THSD7B: variants seen among roughly 807,000 people sequenced by gnomAD.
THSD7B encodes the protein thrombospondin type 1 domain containing 7B, also known as thrombospondin type-1 domain-containing protein 7B.
A neutral mutation model predicts 213.6 loss-of-function variants in THSD7B; 138 were observed. That is an observed-to-expected ratio of 0.65 (90% CI 0.56 to 0.74). The LOEUF is 0.74. THSD7B is among the 30% of genes least tolerant of loss of function. The pLI is 0.00. For synonymous variants in THSD7B, 742 were observed against 687.0 expected (o/e 1.08, Z -1.25); for missense variants, 1,931 against 1,991.5 (o/e 0.97, Z 0.58).
intron 2 of THSD7B, among the ~76,000 whole-genome samples, chr2:136,974,569 T>G (rs1685450626): frequency 6.6e-6 from 1 of 152,224 alleles, no homozygotes; most frequent in Non-Finnish European, 1.5e-5. Flanking sequence ...ATTGTGTATA[T>G]GTACCACATT....
rs115104266 is a variant in THSD7B at position 136,883,023 on chromosome 2, T to G, written c.139+706T>G. ...CCCTAAACATCTTAGCTCTTTGTAT[T>G]ACTGATGCTTTTCCTTGCTCTGGAT... is the stretch of plus-strand genomic sequence containing the variant. On this transcript the variant is annotated intron_variant, in intron 2 of 27. Coordinates refer to ENST00000409968, the MANE Select transcript of THSD7B (RefSeq NM_001316349.2). Among the ~76,000 whole-genome samples, 1,369 of 152,278 alleles carry G rather than the reference T, an allele frequency of 9.0e-3. 23 individuals are homozygous for G. The highest frequency in any genetic ancestry group is 0.031 in the African/African-American group (1,285 of 41,580).
At chr2:136,825,911 A>G (rs941344330) in intron 1 of THSD7B, among the ~76,000 whole-genome samples, 3 of 151,990 alleles carry the variant, frequency 2.0e-5, no homozygotes, top group Non-Finnish European at 2.9e-5. Context: ...TGATTATTAA[A>G]TGAAAATAAT....
intron 4 of THSD7B, among the ~76,000 whole-genome samples, chr2:137,111,991 A>G (rs770676267): frequency 5.9e-5 from 9 of 152,202 alleles, no homozygotes; most frequent in Non-Finnish European, 1.5e-5. Flanking sequence ...GGTCTTTGAC[A>G]TGGGCTTAGC....
intron 7 of THSD7B, among the ~76,000 whole-genome samples, chr2:137,191,181 G>A (rs1680649437): frequency 6.6e-6 from 1 of 152,196 alleles, no homozygotes; most frequent in Non-Finnish European, 1.5e-5. Context: ...CAGGTGTATT[G>A]CTGCCTTTAT....
At chr2:137,204,420 G>C (rs894211539) in intron 7 of THSD7B, among the ~76,000 whole-genome samples, 1 of 152,198 alleles carries the variant, frequency 6.6e-6, no homozygotes, top group East Asian at 1.9e-4. Context: ...CTGTGTCACA[G>C]TGTAAGCTGT....
chr2:137,634,190 A>G (rs1682791363), intron 20 of THSD7B, among the ~76,000 whole-genome samples: 1 of 152,098 alleles, frequency 6.6e-6, no homozygotes, highest in African/African-American at 2.4e-5. Flanking sequence ...CCTATTCTGC[A>G]TGGTGTTTTA....
At chr2:137,441,234 C>T (rs1687403884) in intron 14 of THSD7B, among the ~76,000 whole-genome samples, 1 of 152,120 alleles carries the variant, frequency 6.6e-6, no homozygotes, top group Non-Finnish European at 1.5e-5. Flanking sequence ...GTGCTCTGAT[C>T]TCATGCTGTC....
chr2:136,769,477 A>T (rs999203221), intron 1 of THSD7B, among the ~76,000 whole-genome samples: 2 of 152,172 alleles, frequency 1.3e-5, no homozygotes, highest in African/African-American at 4.8e-5. Context: ...AACTCTAGAG[A>T]TGCTGTAGAA....
In THSD7B at chr2:137,193,928, A is replaced by G. The variant is rs1216090727; in HGVS notation, c.1723+22990A>G. The stretch of plus-strand genomic sequence containing the variant: ...CTCCTGATCTCCTTAACTATTTGAC[A>G]TTAGAGGAGAGTCTGAATTTGCAAC... On this transcript the variant is annotated intron_variant, in intron 7 of 27. Transcript: ENST00000409968. Among the ~76,000 whole-genome samples the G allele has an allele frequency of 2.6e-5, 4 of 151,432 alleles. No individual in the cohort carries two copies. In the East Asian group the frequency reaches 7.8e-4, roughly 29 times the overall value.
In THSD7B at chr2:136,935,414, C is replaced by T. The variant is rs567163935; in HGVS notation, c.139+53097C>T. On this transcript the variant is annotated intron_variant, in intron 2 of 27. Transcript: ENST00000409968. ...AGGAGACTCTATAGAAAGTGTTTAGCGCTTGCCAATAACAGAGTAGTTATT... is the reference window on the plus strand; with the variant it reads ...AGGAGACTCTATAGAAAGTGTTTAGTGCTTGCCAATAACAGAGTAGTTATT... Among the ~76,000 whole-genome samples, 8 of 152,206 alleles carry T rather than the reference C, an allele frequency of 5.3e-5. No homozygotes were observed. In the South Asian group the frequency reaches 1.2e-3, roughly 24 times the overall value.
At chr2:137,530,680 C>T (rs916894522) in intron 15 of THSD7B, among the ~76,000 whole-genome samples, 1 of 151,882 alleles carries the variant, frequency 6.6e-6, no homozygotes, top group African/African-American at 2.4e-5. Context: ...CTGGGGATAG[C>T]TGTCATAGGC....
chr2:137,280,922 C>T (rs2104817268), intron 12 of THSD7B, among the ~76,000 whole-genome samples: 1 of 152,194 alleles, frequency 6.6e-6, no homozygotes, highest in East Asian at 1.9e-4. Context: ...TATTTTAAAG[C>T]TGACTTAATG....
At chr2:137,235,657 C>A (rs1681747954) in intron 9 of THSD7B, among the ~76,000 whole-genome samples, 1 of 152,168 alleles carries the variant, frequency 6.6e-6, no homozygotes, top group Admixed American at 6.5e-5. Context: ...AAAAAAATCA[C>A]AGGAACAGAA....
intron 12 of THSD7B, among the ~76,000 whole-genome samples, chr2:137,294,487 G>A (rs375814910): frequency 6.7e-6 from 1 of 150,316 alleles, no homozygotes; most frequent in East Asian, 2.0e-4. Flanking sequence ...GGAGGCTGAG[G>A]CAGAAGAATC....
chr2:136,923,174 C>T (rs182121828), intron 2 of THSD7B, among the ~76,000 whole-genome samples: 119 of 152,234 alleles, frequency 7.8e-4, no homozygotes, highest in African/African-American at 2.6e-3. Context: ...TGATTTTGAC[C>T]GCTTTAGCTA....
At chr2:136,775,779 A>G (rs1032154825) in intron 1 of THSD7B, among the ~76,000 whole-genome samples, 7 of 152,112 alleles carry the variant, frequency 4.6e-5, no homozygotes, top group Admixed American at 1.3e-4. Flanking sequence ...AGCCCCTTTA[A>G]GTATCCCATT....
chr2:137,604,001 C>G (rs1333419354), intron 17 of THSD7B, among the ~76,000 whole-genome samples: 2 of 151,976 alleles, frequency 1.3e-5, no homozygotes, highest in Non-Finnish European at 2.9e-5. Context: ...ATCCCAGCTA[C>G]TTGGGAGGCT....
chr2:137,080,698 CTCTTCTTCT>C, intron 3 of THSD7B, among the ~76,000 whole-genome samples: 1 of 151,822 alleles, frequency 6.6e-6, no homozygotes, highest in South Asian at 2.1e-4. Context: ...CATTTTCTCT[CTCTTCTTCT>C]TCTTCTTCCA....
intron 17 of THSD7B, among the ~76,000 whole-genome samples, chr2:137,603,113 C>T (rs1046769768): frequency 6.6e-6 from 1 of 152,190 alleles, no homozygotes; most frequent in African/African-American, 2.4e-5. Context: ...GAACTGCTGT[C>T]TCATAGCACA....
Sources: gnomAD v4.1 joint callset for allele counts (sites outside exome capture counted in the v4.1 genomes callset) on GRCh38, gnomAD v4.1.1 for gene constraint, MANE v1.5 for transcripts, NCBI Gene and HGNC (gene_info 2026-07-23, HGNC 2026-07-21) for gene names.